The following CUEDC1 variants were observed in gnomAD, a reference collection of about 807,000 sequenced individuals.
The protein encoded by CUEDC1 is CUE domain containing 1.
A neutral mutation model predicts 43.7 loss-of-function variants in CUEDC1; 30 were observed. The observed-to-expected ratio is 0.69, with a 90% confidence interval of 0.51 to 0.93. CUEDC1 has a LOEUF of 0.93. CUEDC1 is among the 40% of genes least tolerant of loss of function. The pLI, the probability that CUEDC1 is intolerant of heterozygous loss-of-function variation, is 0.00. For missense variants in CUEDC1, 486 were observed against 549.0 expected, an observed-to-expected ratio of 0.89 and a Z score of 1.15; for synonymous variants, 223 against 223.6, an observed-to-expected ratio of 1.00 and a Z score of 0.02.
chr17:57,879,945 G>A (rs1002638573), intron 2 of CUEDC1, among the ~76,000 whole-genome samples: 23 of 152,104 alleles, frequency 1.5e-4, no homozygotes, highest in African/African-American at 5.3e-4. Flanking sequence ...CTCCAGTTCT[G>A]GCAACTCCAC....
intron 1 of CUEDC1, among the ~76,000 whole-genome samples, chr17:57,903,680 T>C (rs906842241): frequency 6.6e-6 from 1 of 151,960 alleles, no homozygotes; most frequent in African/African-American, 2.4e-5. Flanking sequence ...TGAAAACCTA[T>C]ATAATCCCAG....
intron 1 of CUEDC1, among the ~76,000 whole-genome samples, chr17:57,887,655 C>CTTTTTTTTTTTTTTT (rs3085786): frequency 1.7e-4 from 10 of 58,032 alleles, no homozygotes; most frequent in Admixed American, 2.7e-4. Context: ...CCACGCCTGG[C>CTTTTTTTTTTTTTTT]TTTTTTTTTT....
intron 1 of CUEDC1, among the ~76,000 whole-genome samples, chr17:57,928,614 T>C (rs2074773014): frequency 6.6e-6 from 1 of 150,918 alleles, no homozygotes; most frequent in Non-Finnish European, 1.5e-5. Flanking sequence ...GTGAAGTACA[T>C]TCTAGAACAC....
At position 57,954,346 on chromosome 17, in the gene CUEDC1, C is replaced by CA. The variant is rs1567730043; in HGVS notation, c.-316+878dup. ...CTCATCTTCTACTCCACTACTCCAC[C>CA]AAAAAAAGGAAAATCTAAACCCTCC... On this transcript the variant is annotated intron_variant, in intron 1 of 10. Transcript: ENST00000577830. The surrounding 1 kb of genome is among the most constrained non-coding windows in gnomAD (Gnocchi z 4.3). Among the ~76,000 whole-genome samples, 2 of 152,140 alleles carry CA rather than the reference C, an allele frequency of 1.3e-5. No homozygotes were observed. The highest frequency in any genetic ancestry group is 1.5e-5 in the Non-Finnish European group (1 of 67,966).
rs71143215 is a variant in CUEDC1, at chr17:57,906,973, CA to C, written c.-315-21095del. Among the ~76,000 whole-genome samples the C allele has an allele frequency of 3.9e-3, 317 of 80,844 alleles. 1 individual carries two copies. Among genetic ancestry groups the C allele is most frequent in the Middle Eastern group, 0.018 (2 of 114 alleles). The allele number at this position is 80,844 out of a possible 152,430, so 53.0% of individuals were successfully genotyped here. A position where few individuals can be genotyped will look rare whatever the true frequency, so the allele number is the denominator to read the frequency against. ...GCAACAAGAGTGAAACTCTGCCTCA[CA>C]AAAAAAAAAAAAAAAAGAAGACACC... On this transcript the variant is annotated intron_variant, in intron 1 of 10. Coordinates refer to ENST00000577830, the MANE Select transcript of CUEDC1 (RefSeq NM_001271875.2).
chr17:57,899,198 G>A (rs2074445075), intron 1 of CUEDC1, among the ~76,000 whole-genome samples: 1 of 152,124 alleles, frequency 6.6e-6, no homozygotes, highest in African/African-American at 2.4e-5. Flanking sequence ...AGTGAGAAGG[G>A]CCCAGCCCAG....
At chr17:57,922,488 C>T (rs971541814) in intron 1 of CUEDC1, 5 of 152,148 alleles carry the variant, frequency 3.3e-5, no homozygotes, top group African/African-American at 1.2e-4. Context: ...TTGAAACTGA[C>T]CGAGAAGAGA....
intron 2 of CUEDC1, among the ~76,000 whole-genome samples, chr17:57,883,774 T>A (rs890788660): frequency 6.6e-6 from 1 of 152,088 alleles, no homozygotes; most frequent in African/African-American, 2.4e-5. Context: ...TCTAAAGCAC[T>A]TAGGATGATG....
chr17:57,934,559 TAAAA>T (rs575832390), intron 1 of CUEDC1, among the ~76,000 whole-genome samples: 45 of 65,366 alleles, frequency 6.9e-4, no homozygotes, highest in African/African-American at 1.4e-3. Context: ...CCTGTCTCTC[TAAAA>T]AAAAAAAAAA....
intron 1 of CUEDC1, among the ~76,000 whole-genome samples, chr17:57,895,951 C>G (rs191891563): frequency 1.3e-5 from 2 of 152,334 alleles, no homozygotes; most frequent in East Asian, 1.9e-4. Flanking sequence ...AAGGCCCCCC[C>G]AGTAGGCTGA....
At chr17:57,928,677 G>T (rs1330836300) in intron 1 of CUEDC1, among the ~76,000 whole-genome samples, 1 of 151,788 alleles carries the variant, frequency 6.6e-6, no homozygotes, top group Non-Finnish European at 1.5e-5. Context: ...TTGCTATCAA[G>T]AAATAGCGAA....
intron 1 of CUEDC1, among the ~76,000 whole-genome samples, chr17:57,931,995 G>C (rs374282637): frequency 6.6e-6 from 1 of 152,104 alleles, no homozygotes; most frequent in Admixed American, 6.5e-5. Flanking sequence ...CTCTAGGCTG[G>C]GAGTGGTAGC....
intron 1 of CUEDC1, among the ~76,000 whole-genome samples, chr17:57,925,399 C>T (rs1218479075): frequency 6.6e-6 from 1 of 152,144 alleles, no homozygotes; most frequent in Non-Finnish European, 1.5e-5. Context: ...TCGGGCTCTG[C>T]TGTGGTCACA....
At chr17:57,951,609 C>G (rs1286641793) in intron 1 of CUEDC1, among the ~76,000 whole-genome samples, 1 of 152,110 alleles carries the variant, frequency 6.6e-6, no homozygotes, top group Non-Finnish European at 1.5e-5. Context: ...CAAGTACGCA[C>G]CACCATGCCC....
rs1367028768 is a variant in CUEDC1 at position 57,861,271 on chromosome 17, G to GA, written c.*2017_*2018insT. On this transcript the variant is annotated 3_prime_UTR_variant, in exon 11 of 11. Coordinates refer to ENST00000577830, the MANE Select transcript of CUEDC1 (RefSeq NM_001271875.2). ...CTTTAATCCAGAAGCTGTTTATTTA[G>GA]GGAGGTGGCCGTCTGGAGCTTTCTC... 1.3e-5 allele frequency: 2 copies of GA among 152,282 alleles called. No homozygotes were observed. Among genetic ancestry groups the GA allele is most frequent in the African/African-American group, 4.8e-5 (2 of 41,462 alleles). The allele number at this position is 152,282 out of a possible 1,614,324, so 9.4% of individuals were successfully genotyped here.
intron 5 of CUEDC1, 135 bp from the exon 6 acceptor site, chr17:57,871,504 A>G (rs990481308): frequency 4.6e-6 from 3 of 656,576 alleles, no homozygotes; most frequent in African/African-American, 3.6e-5. Flanking sequence ...CACCCAAAAT[A>G]TGAGTGCACA....
chr17:57,892,710 G>C (rs1050209963), intron 1 of CUEDC1: 6 of 152,414 alleles, frequency 3.9e-5, no homozygotes, highest in African/African-American at 1.4e-4. Flanking sequence ...GGGCCAGAGT[G>C]GCTTTTCTCT....
intron 9 of CUEDC1, chr17:57,867,077 C>T: frequency 1.9e-6 from 1 of 529,604 alleles, no homozygotes; most frequent in Non-Finnish European, 3.4e-6. Flanking sequence ...TGCCACCTCA[C>T]ACCCAAAAGA....
chr17:57,898,952 G>T (rs761208497), intron 1 of CUEDC1, among the ~76,000 whole-genome samples: 8 of 152,176 alleles, frequency 5.3e-5, no homozygotes, highest in Non-Finnish European at 1.0e-4. Flanking sequence ...GGCTTGAAGG[G>T]GCCTGTCCCC....
Sources: gnomAD v4.1 joint callset for allele counts (sites outside exome capture counted in the v4.1 genomes callset) on GRCh38, gnomAD v4.1.1 for gene constraint, Gnocchi (gnomAD v3.1) non-coding constraint, MANE v1.5 for transcripts, NCBI Gene and HGNC (gene_info 2026-07-23, HGNC 2026-07-21) for gene names.